CNTN4: variants seen among roughly 807,000 people sequenced by gnomAD.
CNTN4 encodes contactin 4.
Under a neutral mutation model 122.5 loss-of-function variants are expected in CNTN4, and 77 were observed. The observed-to-expected ratio is 0.63, with a 90% CI of 0.52 to 0.76. The LOEUF is 0.76. Ranked by LOEUF, CNTN4 falls within the 30% of genes least tolerant of loss-of-function variation. CNTN4 has a pLI of 0.00. For missense variants in CNTN4, 1,256 were observed against 1,259.1 expected, an observed-to-expected ratio of 1.00 and a Z score of 0.04; for synonymous variants, 512 against 447.0, an observed-to-expected ratio of 1.15 and a Z score of -1.83.
At chr3:2,571,858 A>C (rs2079435761) in intron 4 of CNTN4, among the ~76,000 whole-genome samples, 1 of 152,152 alleles carries the variant, frequency 6.6e-6, no homozygotes, top group Non-Finnish European at 1.5e-5. Flanking sequence ...GCCCAGTTGC[A>C]CAGAGATATT....
intron 16 of CNTN4, among the ~76,000 whole-genome samples, chr3:3,032,199 A>T (rs1170173108): frequency 6.6e-6 from 1 of 152,196 alleles, no homozygotes. Flanking sequence ...AACTTATAGA[A>T]ATGTGTTTAT....
chr3:2,708,727 T>TCTCACACA (rs1214979217), intron 4 of CNTN4, among the ~76,000 whole-genome samples: 396 of 151,006 alleles, frequency 2.6e-3, no homozygotes, highest in African/African-American at 9.2e-3. Context: ...CACGCGCGCA[T>TCTCACACA]CACACACACA....
At chr3:2,335,956 G>A (rs2043938201) in intron 2 of CNTN4, among the ~76,000 whole-genome samples, 1 of 152,094 alleles carries the variant, frequency 6.6e-6, no homozygotes, top group African/African-American at 2.4e-5. Flanking sequence ...TTTAGACCAG[G>A]TTGTACTAGA....
intron 2 of CNTN4, among the ~76,000 whole-genome samples, chr3:2,229,647 T>C (rs2039411057): frequency 6.8e-6 from 1 of 147,994 alleles, no homozygotes; most frequent in Admixed American, 6.7e-5. Flanking sequence ...TCTTCATGTT[T>C]ATATAGTAAA....
Position 2,424,181 on chromosome 3 carries a change from C to T in CNTN4, c.-89+84948C>T, listed in dbSNP as rs533774915. Among the ~76,000 whole-genome samples the T allele has an allele frequency of 9.3e-5, 14 of 150,794 alleles. No homozygotes were observed. The South Asian group carries it at 2.3e-3, about 25-fold the overall frequency. On this transcript the variant is annotated intron_variant, in intron 3 of 24. Coordinates refer to ENST00000418658, the MANE Select transcript of CNTN4 (RefSeq NM_175607.3). ...GCTACACCCATTAACTCGTCATTTA[C>T]ATTAGGTATGTTTCCTAATGCTATC...
At chr3:2,883,668 T>C (rs2093937809) in intron 9 of CNTN4, among the ~76,000 whole-genome samples, 1 of 152,222 alleles carries the variant, frequency 6.6e-6, no homozygotes, top group Non-Finnish European at 1.5e-5. Flanking sequence ...CTTGAATTTC[T>C]TTTTAAACTC....
intron 15 of CNTN4, among the ~76,000 whole-genome samples, chr3:3,026,560 C>T (rs1480813995): frequency 6.6e-6 from 1 of 152,132 alleles, no homozygotes; most frequent in Non-Finnish European, 1.5e-5. Flanking sequence ...GCCTTGGCCT[C>T]ATAGCTACTG....
chr3:2,839,380 A>C (rs1577008021), intron 7 of CNTN4, among the ~76,000 whole-genome samples: 1 of 151,984 alleles, frequency 6.6e-6, no homozygotes, highest in Non-Finnish European at 1.5e-5. Context: ...TTGGAAGCCC[A>C]CTGGGTCAGA....
intron 3 of CNTN4, among the ~76,000 whole-genome samples, chr3:2,523,806 T>A (rs2077305395): frequency 6.6e-6 from 1 of 152,066 alleles, no homozygotes; most frequent in Admixed American, 6.6e-5. Context: ...GAAATCAAAA[T>A]GAATGACTCA....
chr3:2,939,046 A>C (rs1454628857), intron 13 of CNTN4, among the ~76,000 whole-genome samples: 1 of 152,122 alleles, frequency 6.6e-6, no homozygotes, highest in Non-Finnish European at 1.5e-5. Context: ...AATCTGCTAG[A>C]CTTCTTAGAT....
At position 2,202,397 on chromosome 3, in the gene CNTN4, A is replaced by G. The variant is rs903207308; in HGVS notation, c.-145+101758A>G. Among the ~76,000 whole-genome samples the G allele has an allele frequency of 5.9e-5, 9 of 152,292 alleles. No homozygotes were observed. In the South Asian group the frequency reaches 1.4e-3, roughly 25 times the overall value. ...TCTAATTTCAGCCTCATTACTAACTAGCTGTGTAGACTTGGGCAAGTCATT... is the reference window on the plus strand; with the variant it reads ...TCTAATTTCAGCCTCATTACTAACTGGCTGTGTAGACTTGGGCAAGTCATT... On this transcript the variant is annotated intron_variant, in intron 2 of 24. Coordinates refer to ENST00000418658, the MANE Select transcript of CNTN4 (RefSeq NM_175607.3).
chr3:2,395,192 G>A (rs1285771578), intron 3 of CNTN4, among the ~76,000 whole-genome samples: 1 of 152,158 alleles, frequency 6.6e-6, no homozygotes, highest in Non-Finnish European at 1.5e-5. Context: ...AGAATATGAT[G>A]CAGTGGTTAA....
intron 2 of CNTN4, among the ~76,000 whole-genome samples, chr3:2,243,080 T>A (rs191333243): frequency 1.1e-3 from 173 of 152,222 alleles, no homozygotes; most frequent in African/African-American, 4.0e-3. Flanking sequence ...CATGCTTCTG[T>A]ATTTGTATAC....
intron 4 of CNTN4, among the ~76,000 whole-genome samples, chr3:2,639,968 A>G (rs935049488): frequency 1.3e-5 from 2 of 152,260 alleles, no homozygotes; most frequent in African/African-American, 2.4e-5. Context: ...GGCACATAAT[A>G]CACATTTGGG....
chr3:2,180,882 G>T (rs1286196900), intron 2 of CNTN4, among the ~76,000 whole-genome samples: 1 of 152,006 alleles, frequency 6.6e-6, no homozygotes, highest in Admixed American at 6.6e-5. Flanking sequence ...GACAATCAAG[G>T]TCAAACCCAG....
chr3:2,270,181 C>T (rs531204309), intron 2 of CNTN4, among the ~76,000 whole-genome samples: 1 of 38,900 alleles, frequency 2.6e-5, no homozygotes, highest in Non-Finnish European at 7.2e-5. Flanking sequence ...GATCTCCTGA[C>T]CTCATGATCC....
chr3:2,925,991 A>G (rs2094470010), intron 13 of CNTN4, among the ~76,000 whole-genome samples: 1 of 152,214 alleles, frequency 6.6e-6, no homozygotes, highest in Non-Finnish European at 1.5e-5. Context: ...CCGTGCAGAG[A>G]TAGATCACAT....
chr3:2,758,352 T>TA (rs1434882146), intron 6 of CNTN4, among the ~76,000 whole-genome samples: 1 of 152,142 alleles, frequency 6.6e-6, no homozygotes, highest in Non-Finnish European at 1.5e-5. Context: ...TTTACCAGCC[T>TA]ATGAGGTTAT....
intron 3 of CNTN4, among the ~76,000 whole-genome samples, chr3:2,372,825 C>T (rs1189108672): frequency 2.6e-5 from 4 of 151,874 alleles, no homozygotes; most frequent in East Asian, 1.9e-4. Context: ...CTGAGGTGGG[C>T]GGATCACTGG....
Sources: gnomAD v4.1 joint callset for allele counts (sites outside exome capture counted in the v4.1 genomes callset) on GRCh38, gnomAD v4.1.1 for gene constraint, MANE v1.5 for transcripts, NCBI Gene and HGNC (gene_info 2026-07-23, HGNC 2026-07-21) for gene names.